USP48: variants seen among roughly 807,000 people sequenced by gnomAD.
USP48 encodes the protein ubiquitin carboxyl-terminal hydrolase 48.
A neutral mutation model predicts 150.7 loss-of-function variants in USP48; 43 were observed. The observed-to-expected ratio is 0.29, with a 90% CI of 0.22 to 0.37. The LOEUF is 0.37. Ranked by LOEUF, USP48 falls within the 10% of genes least tolerant of loss-of-function variation. The probability of loss-of-function intolerance (pLI) is 1.00; values close to 1 mark genes in which losing one functional copy is unlikely to be tolerated. For missense variants in USP48, 813 were observed against 1,249.6 expected (o/e 0.65, Z 5.27); for synonymous variants, 396 against 425.9 (o/e 0.93, Z 0.86).
intron 25 of USP48, chr1:21,686,889 C>G: frequency 2.7e-6 from 1 of 368,884 alleles, no homozygotes; most frequent in South Asian, 3.5e-5. Flanking sequence ...GGTACCTAGG[C>G]CTCTAATTTG....
At chr1:21,712,707 C>T (rs946608579) in intron 15 of USP48, among the ~76,000 whole-genome samples, 20 of 150,798 alleles carry the variant, frequency 1.3e-4, no homozygotes, top group African/African-American at 4.9e-4. Context: ...TGGCTCACTG[C>T]AACCTCCGCC....
chr1:21,730,809 A>G (rs967578069), intron 9 of USP48, among the ~76,000 whole-genome samples: 2 of 149,350 alleles, frequency 1.3e-5, no homozygotes, highest in African/African-American at 2.5e-5. Context: ...TCGGCAGGCT[A>G]GAGTGCAGTG....
intron 7 of USP48, 140 bp from the exon 8 acceptor site, chr1:21,747,289 G>A (rs1285381850): frequency 3.5e-6 from 2 of 563,796 alleles, no homozygotes; most frequent in African/African-American, 1.9e-5. Context: ...ACAATTAGAA[G>A]TAAACAGAAT....
intron 1 of USP48, chr1:21,781,773 T>G (rs2097915215): frequency 6.6e-6 from 1 of 152,276 alleles, no homozygotes; most frequent in Admixed American, 6.5e-5. Context: ...ATTATTTGGT[T>G]AGTCTGGAAA....
At chr1:21,703,263 C>A (rs570624861) in intron 21 of USP48, among the ~76,000 whole-genome samples, 2 of 152,218 alleles carry the variant, frequency 1.3e-5, no homozygotes, top group Non-Finnish European at 2.9e-5. Flanking sequence ...ATCCCCAGCA[C>A]CTGGACCATT....
At chr1:21,745,831 T>C (rs1632697) in intron 8 of USP48, among the ~76,000 whole-genome samples, 11,614 of 152,252 alleles carry the variant, frequency 0.076, 500 homozygotes, top group Middle Eastern at 0.11. Flanking sequence ...TTCAATTGCC[T>C]GAACAAAGGA....
intron 1 of USP48, among the ~76,000 whole-genome samples, chr1:21,763,870 C>A (rs2097855707): frequency 1.3e-5 from 2 of 152,022 alleles, no homozygotes; most frequent in South Asian, 4.1e-4. Flanking sequence ...GATGGACAGG[C>A]AGACACAAAT....
At chr1:21,733,368 G>A (rs2097761593) in intron 9 of USP48, among the ~76,000 whole-genome samples, 1 of 151,994 alleles carries the variant, frequency 6.6e-6, no homozygotes, top group Admixed American at 6.6e-5. Flanking sequence ...AGTGAGCCGA[G>A]ATCGCGCCAT....
At chr1:21,754,739 A>T (rs2097827029) in intron 3 of USP48, among the ~76,000 whole-genome samples, 1 of 152,140 alleles carries the variant, frequency 6.6e-6, no homozygotes. Flanking sequence ...TTCACAGTAC[A>T]GTGCCTCCAG....
intron 1 of USP48, among the ~76,000 whole-genome samples, chr1:21,778,542 G>A (rs1226885146): frequency 7.4e-6 from 1 of 134,840 alleles, no homozygotes; most frequent in East Asian, 2.5e-4. Context: ...TGGGGCAGGA[G>A]TATTGATTGA....
intron 14 of USP48, among the ~76,000 whole-genome samples, chr1:21,718,058 A>G (rs1313633073): frequency 1.3e-5 from 2 of 152,256 alleles, no homozygotes; most frequent in South Asian, 4.1e-4. Flanking sequence ...ATGTGTCAGT[A>G]TGTGGCAATT....
At chr1:21,772,596 C>CT (rs1308441496) in intron 1 of USP48, among the ~76,000 whole-genome samples, 1 of 149,802 alleles carries the variant, frequency 6.7e-6, no homozygotes, top group African/African-American at 2.5e-5. Flanking sequence ...GCACTCCAGC[C>CT]TGGGTGACAC....
At chr1:21,701,820 T>C (rs1167099099) in intron 21 of USP48, among the ~76,000 whole-genome samples, 1 of 152,228 alleles carries the variant, frequency 6.6e-6, no homozygotes, top group African/African-American at 2.4e-5. Context: ...TCTTGTAGTA[T>C]TTAATGTGCT....
At chr1:21,727,991 A>T in intron 11 of USP48, 3 of 985,456 alleles carry the variant, frequency 3.0e-6, no homozygotes, top group Non-Finnish European at 3.6e-6. Context: ...AAAAAGGCTT[A>T]ATTTGGTTTC....
chr1:21,771,412 A>C (rs2097880133), intron 1 of USP48, among the ~76,000 whole-genome samples: 1 of 148,472 alleles, frequency 6.7e-6, no homozygotes, highest in Admixed American at 6.8e-5. Context: ...AATAAATTAT[A>C]ATTTATAATT....
intron 15 of USP48, among the ~76,000 whole-genome samples, chr1:21,708,902 AGAAAGAAAAGAAAAG>A (rs1374940010): frequency 4.2e-4 from 47 of 112,578 alleles, no homozygotes; most frequent in Non-Finnish European, 5.0e-4. Flanking sequence ...AAAAAAAAAA[AGAAAGAAAAGAAAAG>A]AAAAGAAAAG....
At chr1:21,748,007 G>C (rs1254382807) in intron 7 of USP48, 131 bp downstream of exon 7, 8 of 943,972 alleles carry the variant, frequency 8.5e-6, no homozygotes, top group Non-Finnish European at 1.4e-6. Context: ...CAAAATGACA[G>C]CCTCCATCTA....
chr1:21,745,428 T>A (rs978537664), intron 8 of USP48, among the ~76,000 whole-genome samples: 2 of 151,088 alleles, frequency 1.3e-5, no homozygotes, highest in African/African-American at 4.9e-5. Flanking sequence ...TAAAAAAAAA[T>A]AACTAAAAAT....
At chr1:21,720,809 G>A (rs2097718439) in intron 14 of USP48, among the ~76,000 whole-genome samples, 1 of 152,028 alleles carries the variant, frequency 6.6e-6, no homozygotes, top group South Asian at 2.1e-4. Context: ...GGGATTATAG[G>A]CATGAACCAC....
Sources: allele counts gnomAD v4.1 joint callset (sites outside exome capture counted in the v4.1 genomes callset), GRCh38; gene constraint gnomAD v4.1.1; transcripts MANE v1.5; gene names NCBI Gene and HGNC (gene_info 2026-07-23, HGNC 2026-07-21).